The following DNAL4 variants were observed in gnomAD, a reference collection of about 807,000 sequenced individuals.
DNAL4 encodes dynein light chain, outer arm 4.
In DNAL4, 10 loss-of-function variants were observed where a neutral mutation model predicts 12.6. The observed-to-expected ratio is 0.79, with a 90% confidence interval of 0.49 to 1.34. The LOEUF (loss-of-function observed/expected upper bound fraction) is 1.34, where lower values mean the gene tolerates loss of function less well. Ranked by LOEUF, DNAL4 falls within the 40% of genes most tolerant of loss-of-function variation. The pLI, the probability that DNAL4 is intolerant of heterozygous loss-of-function variation, is 0.00. For missense variants in DNAL4, 128 were observed against 138.1 expected (o/e 0.93, Z 0.37); for synonymous variants, 46 against 53.1 (o/e 0.87, Z 0.58).
intron 1 of DNAL4, among the ~76,000 whole-genome samples, chr22:38,784,911 T>G (rs1032175077): frequency 6.6e-6 from 1 of 151,554 alleles, no homozygotes; most frequent in South Asian, 2.1e-4. Flanking sequence ...TGATCCCCGC[T>G]CCAATGACTC....
chr22:38,790,279 A>G (rs1019059817), intron 1 of DNAL4, among the ~76,000 whole-genome samples: 1 of 152,204 alleles, frequency 6.6e-6, no homozygotes, highest in African/African-American at 2.4e-5. Flanking sequence ...AGGAAGCTGC[A>G]GTAATGGTCC....
chr22:38,786,657 C>T (rs1012092099), intron 1 of DNAL4, among the ~76,000 whole-genome samples: 6 of 152,236 alleles, frequency 3.9e-5, no homozygotes, highest in African/African-American at 1.4e-4. Context: ...GCCCATCTGG[C>T]CCACAGTGGT....
In DNAL4 at chr22:38,789,857, C is replaced by T. The variant is rs371288224; in HGVS notation, c.-140+4211G>A. Among the ~76,000 whole-genome samples, 17 of 152,240 alleles carry T rather than the reference C, an allele frequency of 1.1e-4. 1 individual carries two copies. In the East Asian group the frequency reaches 1.5e-3, roughly 14 times the overall value. On this transcript the variant is annotated intron_variant, in intron 1 of 3. Coordinates refer to ENST00000216068, the MANE Select transcript of DNAL4 (RefSeq NM_005740.3). ...GACGAGGTGAGGAAGACCTTCCAGG[C>T]GGATGAACACAACAGTGCCAAGGCA... is the stretch of plus-strand genomic sequence containing the variant.
At chr22:38,784,488 C>T (rs1046430872) in intron 1 of DNAL4, among the ~76,000 whole-genome samples, 1 of 151,978 alleles carries the variant, frequency 6.6e-6, no homozygotes, top group Non-Finnish European at 1.5e-5. Context: ...TTGCTCTTCC[C>T]CTTTGCTGTC....
At chr22:38,787,593 T>C (rs1300102742) in intron 1 of DNAL4, among the ~76,000 whole-genome samples, 1 of 152,224 alleles carries the variant, frequency 6.6e-6, no homozygotes, top group Non-Finnish European at 1.5e-5. Context: ...CTCCTGTTAC[T>C]GGTGCAGTAG....
At chr22:38,786,296 C>T (rs1350674856) in intron 1 of DNAL4, among the ~76,000 whole-genome samples, 6 of 152,210 alleles carry the variant, frequency 3.9e-5, no homozygotes, top group African/African-American at 9.7e-5. Context: ...CAGTGGCTCA[C>T]GCCTGTAATC....
Position 38,780,862 on chromosome 22 carries a change from G to A in DNAL4, c.153+64C>T, listed in dbSNP as rs774149493. The stretch of plus-strand genomic sequence containing the variant: ...CTGGAGCCAACTGCAGGGAACAGGG[G>A]CCACTTTATTCACCCACAGGGGCCA... On this transcript the variant is annotated intron_variant, in intron 3 of 3. Transcript: ENST00000216068. The A allele has an allele frequency of 5.2e-6, 8 of 1,550,658 alleles. No individual in the cohort carries two copies. In the Admixed American group the frequency reaches 1.4e-4, roughly 27 times the overall value.
At chr22:38,784,623 G>C (rs182809335) in intron 1 of DNAL4, among the ~76,000 whole-genome samples, 13 of 149,154 alleles carry the variant, frequency 8.7e-5, no homozygotes, top group South Asian at 4.4e-4. Flanking sequence ...CCATTCTCCC[G>C]CCTCAGCCTC....
chr22:38,780,706 C>T (rs966838302), intron 3 of DNAL4: 3 of 538,426 alleles, frequency 5.6e-6, no homozygotes, highest in Non-Finnish European at 9.9e-6. Flanking sequence ...CATGGAGACC[C>T]CTGTGGCTTT....
In DNAL4 at chr22:38,782,389, G is replaced by A. The variant is rs991965438; in HGVS notation, c.69+274C>T. Among the ~76,000 whole-genome samples the A allele has an allele frequency of 6.6e-6, 1 of 152,230 alleles. No homozygotes were observed. The highest frequency in any genetic ancestry group is 2.4e-5 in the African/African-American group (1 of 41,458). ...GCCTACGATCATGTTCTTAAAACAT[G>A]TATTTCATGTGGGCCAGGCCTTCGC... On this transcript the variant is annotated intron_variant, in intron 2 of 3. Transcript: ENST00000216068. This position sits in a 1 kb window ranked among gnomAD's most constrained non-coding sequence, Gnocchi z 5.1.
At chr22:38,787,961 C>T (rs940687194) in intron 1 of DNAL4, among the ~76,000 whole-genome samples, 1 of 152,200 alleles carries the variant, frequency 6.6e-6, no homozygotes, top group African/African-American at 2.4e-5. Context: ...ATCCTTCTGA[C>T]TCGACCTTCT....
intron 1 of DNAL4, among the ~76,000 whole-genome samples, chr22:38,786,816 C>T (rs1433554351): frequency 1.3e-5 from 2 of 152,156 alleles, no homozygotes; most frequent in African/African-American, 4.8e-5. Context: ...CCCTTTATCT[C>T]ATTGCCTGGT....
intron 1 of DNAL4, among the ~76,000 whole-genome samples, chr22:38,784,656 G>A (rs1033060970): frequency 1.5e-4 from 23 of 151,952 alleles, no homozygotes; most frequent in Admixed American, 1.3e-4. Flanking sequence ...GACTACAGGC[G>A]CCCACCACCA....
At chr22:38,788,237 G>A (rs2093045368) in intron 1 of DNAL4, among the ~76,000 whole-genome samples, 1 of 152,142 alleles carries the variant, frequency 6.6e-6, no homozygotes, top group Non-Finnish European at 1.5e-5. Context: ...CAGAAGCCAG[G>A]CTCCCAGACC....
At chr22:38,787,373 C>G (rs139196224) in intron 1 of DNAL4, among the ~76,000 whole-genome samples, 402 of 152,084 alleles carry the variant, frequency 2.6e-3, no homozygotes, top group Non-Finnish European at 4.6e-3. Context: ...TCCCAAGTAG[C>G]TGGGATTACA....
chr22:38,789,909 G>C (rs569428536), intron 1 of DNAL4, among the ~76,000 whole-genome samples: 1 of 152,362 alleles, frequency 6.6e-6, no homozygotes, highest in Admixed American at 6.5e-5. Context: ...TTCTGGGAAA[G>C]TCTAACAGTC....
In DNAL4 at chr22:38,779,956, G is replaced by C. The variant is rs975672286; in HGVS notation, c.154-343C>G. ...TGCCACCTCCCTCAGATGTAACCTG[G>C]ACAAGCGGGGCACCAGGCAGTCTCA... On this transcript the variant is annotated intron_variant, in intron 3 of 3. Transcript: ENST00000216068. This position sits in a 1 kb window ranked among gnomAD's most constrained non-coding sequence, Gnocchi z 4.3. Among the ~76,000 whole-genome samples the C allele has an allele frequency of 2.6e-5, 4 of 152,160 alleles. No homozygotes were observed. Among genetic ancestry groups the C allele is most frequent in the Non-Finnish European group, 5.9e-5 (4 of 68,022 alleles).
chr22:38,780,982 C>A lies in DNAL4; in HGVS notation c.97G>T (p.Val33Leu), dbSNP rs199652920. ...RHSDMPEEMR[V>L]ETMELCVTAC... ...GTGACACATAGCTCCATGGTCTCCACGCGCATCTCCTCTGGCATGTCCGAG... is the reference window on the plus strand; with the variant it reads ...GTGACACATAGCTCCATGGTCTCCAAGCGCATCTCCTCTGGCATGTCCGAG... The change falls in exon 3 of 4, where the codon GTG becomes TTG. Residue 33 changes from valine to leucine, a missense_variant. Coordinates refer to ENST00000216068, the MANE Select transcript of DNAL4 (RefSeq NM_005740.3). 6.2e-7 allele frequency: 1 copy of A among 1,614,188 alleles called. No homozygotes were observed. Among genetic ancestry groups the A allele is most frequent in the Non-Finnish European group, 8.5e-7 (1 of 1,180,022 alleles).
Position 38,779,665 on chromosome 22 carries a change from A to G in DNAL4, c.154-52T>C, listed in dbSNP as rs982981061. 6.5e-7 allele frequency: 1 copy of G among 1,545,116 alleles called. No homozygotes were observed. Among genetic ancestry groups the G allele is most frequent in the Non-Finnish European group, 8.8e-7 (1 of 1,140,184 alleles). On this transcript the variant is annotated intron_variant, in intron 3 of 3. Transcript: ENST00000216068. The surrounding 1 kb of genome is among the most constrained non-coding windows in gnomAD (Gnocchi z 4.3). ...GGGGCGCAGGGCAGGTGGGGGCAGG[A>G]GTCAGGTCCTTCTCCAGGAAGGAGA... is the stretch of plus-strand genomic sequence containing the variant.
Sources: allele counts gnomAD v4.1 joint callset (sites outside exome capture counted in the v4.1 genomes callset), GRCh38; gene constraint gnomAD v4.1.1; non-coding constraint Gnocchi (gnomAD v3.1); transcripts MANE v1.5; gene names NCBI Gene and HGNC (gene_info 2026-07-23, HGNC 2026-07-21).